ZNF362: variants seen among roughly 807,000 people sequenced by gnomAD.
ZNF362 encodes rotund homolog.
Under a neutral mutation model 42.9 loss-of-function variants are expected in ZNF362, and 11 were observed. That is an observed-to-expected ratio of 0.26 (90% CI 0.16 to 0.42). The LOEUF is 0.42. Among genes scored for constraint, ZNF362 ranks in the 20% least tolerant of loss-of-function variants. The pLI is 1.00. For missense variants in ZNF362, 362 were observed against 576.2 expected (o/e 0.63, Z 3.81); for synonymous variants, 255 against 257.3 (o/e 0.99, Z 0.09).
chr1:33,249,504 A>G, the ZNF362 span, among the ~76,000 whole-genome samples: 1 of 152,150 alleles, frequency 6.6e-6, no homozygotes, highest in Non-Finnish European at 1.5e-5. Context: ...AACAGGGCCA[A>G]ATGATACTCA....
At chr1:33,220,671 C>T in the ZNF362 span, among the ~76,000 whole-genome samples, 2 of 152,168 alleles carry the variant, frequency 1.3e-5, no homozygotes, top group African/African-American at 4.8e-5. Context: ...TACCACTGCC[C>T]AGCCAGGCCT....
At chr1:33,214,750 C>T in the ZNF362 span, among the ~76,000 whole-genome samples, 1 of 152,076 alleles carries the variant, frequency 6.6e-6, no homozygotes, top group Non-Finnish European at 1.5e-5. Flanking sequence ...AAAAAATGCT[C>T]AACATTATTA....
chr1:33,234,594 G>A, the ZNF362 span, among the ~76,000 whole-genome samples: 1 of 152,182 alleles, frequency 6.6e-6, no homozygotes, highest in Non-Finnish European at 1.5e-5. Flanking sequence ...AGAGAGATCG[G>A]AAGGAGCAGG....
At chr1:33,279,708 ACTT>A (rs1482510422) in intron 4 of ZNF362, among the ~76,000 whole-genome samples, 1 of 147,074 alleles carries the variant, frequency 6.8e-6, no homozygotes, top group Non-Finnish European at 1.5e-5. Context: ...GTTCTTTCCT[ACTT>A]ATTTTTTTGT....
Position 33,294,793 on chromosome 1 carries a change from C to T in ZNF362, c.909-144C>T. ...GCCATGGCCGTTGAAGTCCCCAGCT[C>T]TTGCCTGGGCTCACTCTTGGTCCTT... On this transcript the variant is annotated intron_variant, in intron 6 of 8. Coordinates refer to ENST00000539719, the MANE Select transcript of ZNF362 (RefSeq NM_152493.3). The surrounding 1 kb of genome is among the most constrained non-coding windows in gnomAD (Gnocchi z 4.2). The T allele has an allele frequency of 7.2e-6, 6 of 833,730 alleles. No homozygotes were observed. Among genetic ancestry groups the T allele is most frequent in the Non-Finnish European group, 1.2e-5 (6 of 517,756 alleles). The allele number at this position is 833,730 out of a possible 1,614,324, so 51.6% of individuals were successfully genotyped here. A position where few individuals can be genotyped will look rare whatever the true frequency, so the allele number is the denominator to read the frequency against.
chr1:33,149,309 C>T, the ZNF362 span, among the ~76,000 whole-genome samples: 6 of 152,138 alleles, frequency 3.9e-5, no homozygotes, highest in South Asian at 2.1e-4. Flanking sequence ...CGCGCCACCA[C>T]GCCTGGCTAA....
the ZNF362 span, among the ~76,000 whole-genome samples, chr1:33,203,501 G>T: frequency 1.3e-5 from 2 of 152,158 alleles, no homozygotes; most frequent in Non-Finnish European, 2.9e-5. Context: ...AAGAAGGATT[G>T]CTGGGTCATA....
intron 6 of ZNF362, among the ~76,000 whole-genome samples, chr1:33,291,414 A>C (rs1430508135): frequency 6.6e-6 from 1 of 152,078 alleles, no homozygotes. Context: ...GTTCTGTTCC[A>C]TTGGTCTATA....
the ZNF362 span, chr1:33,195,797 A>G: frequency 1.3e-5 from 2 of 152,186 alleles, no homozygotes; most frequent in African/African-American, 4.8e-5. Context: ...GACATTATGC[A>G]TAATTCTGTA....
chr1:33,245,743 C>T, the ZNF362 span, among the ~76,000 whole-genome samples: 1 of 152,106 alleles, frequency 6.6e-6, no homozygotes, highest in Non-Finnish European at 1.5e-5. Flanking sequence ...TTTGAGACCA[C>T]CCTAGGCAAC....
intron 6 of ZNF362, among the ~76,000 whole-genome samples, chr1:33,291,464 G>A (rs1646077595): frequency 6.6e-6 from 1 of 152,214 alleles, no homozygotes; most frequent in African/African-American, 2.4e-5. Context: ...TTTGGTTACT[G>A]TAGCCTTGTA....
the ZNF362 span, among the ~76,000 whole-genome samples, chr1:33,207,837 T>G: frequency 6.6e-6 from 1 of 152,236 alleles, no homozygotes; most frequent in Non-Finnish European, 1.5e-5. Context: ...TTGTAGATTC[T>G]GGATATTAGC....
At chr1:33,187,098 C>T in the ZNF362 span, among the ~76,000 whole-genome samples, 3 of 152,200 alleles carry the variant, frequency 2.0e-5, no homozygotes, top group Non-Finnish European at 2.9e-5. Context: ...TCAGAATGAT[C>T]GATGCCTCAG....
At chr1:33,189,653 A>ATATATATATACG in the ZNF362 span, among the ~76,000 whole-genome samples, 2 of 14,948 alleles carry the variant, frequency 1.3e-4, no homozygotes, top group Non-Finnish European at 4.4e-4. Flanking sequence ...ATATATATAT[A>ATATATATATACG]TATATATATA....
the ZNF362 span, among the ~76,000 whole-genome samples, chr1:33,205,889 C>A: frequency 6.6e-6 from 1 of 151,834 alleles, no homozygotes; most frequent in Non-Finnish European, 1.5e-5. Flanking sequence ...GCACTCCATA[C>A]TGGGCGACAG....
chr1:33,239,570 G>A, the ZNF362 span, among the ~76,000 whole-genome samples: 101,636 of 151,936 alleles, frequency 0.67, 34,129 homozygotes, highest in Admixed American at 0.71. Flanking sequence ...AATCATGGCG[G>A]AAGGCAAAGG....
the ZNF362 span, among the ~76,000 whole-genome samples, chr1:33,183,919 T>A: frequency 6.6e-6 from 1 of 152,014 alleles, no homozygotes; most frequent in Non-Finnish European, 1.5e-5. Flanking sequence ...AGTTTAACAG[T>A]AGTGCATTGT....
chr1:33,133,219 C>T, the ZNF362 span, among the ~76,000 whole-genome samples: 3 of 152,052 alleles, frequency 2.0e-5, no homozygotes, highest in African/African-American at 4.8e-5. Flanking sequence ...ACAAGGGCAA[C>T]GGAGGCTGTG....
the ZNF362 span, among the ~76,000 whole-genome samples, chr1:33,230,754 T>G: frequency 6.6e-6 from 1 of 152,348 alleles, no homozygotes; most frequent in African/African-American, 2.4e-5. Context: ...CTGCCTGGGT[T>G]TTGCTTTGTT....
Sources: allele counts gnomAD v4.1 joint callset (sites outside exome capture counted in the v4.1 genomes callset), GRCh38; gene constraint gnomAD v4.1.1; non-coding constraint Gnocchi (gnomAD v3.1); transcripts MANE v1.5; gene names NCBI Gene and HGNC (gene_info 2026-07-23, HGNC 2026-07-21).